GLRX5: variants seen among roughly 807,000 people sequenced by gnomAD.
The protein encoded by GLRX5 is glutaredoxin-related protein 5, mitochondrial.
A neutral mutation model predicts 13.8 loss-of-function variants in GLRX5; 10 were observed. That is an observed-to-expected ratio of 0.72 (90% CI 0.45 to 1.23). GLRX5 has a LOEUF of 1.23. Ranked by LOEUF, GLRX5 falls within the 50% of genes most tolerant of loss-of-function variation. The pLI, the probability that GLRX5 is intolerant of heterozygous loss-of-function variation, is 0.00. For missense variants in GLRX5, 233 were observed against 215.2 expected (o/e 1.08, Z -0.52); for synonymous variants, 98 against 101.1 (o/e 0.97, Z 0.18).
intron 1 of GLRX5, chr14:95,543,571 T>C (rs915584378): frequency 6.3e-6 from 2 of 317,308 alleles, no homozygotes; most frequent in Non-Finnish European, 1.2e-5. Context: ...ATGTATCTTA[T>C]GTGACTTGCA....
Position 95,535,063 on chromosome 14 carries a change from G to A in GLRX5, c.-27G>A, listed in dbSNP as rs1377658443. The A allele has an allele frequency of 2.3e-6, 3 of 1,332,978 alleles. No homozygotes were observed. Among genetic ancestry groups the A allele is most frequent in the South Asian group, 1.5e-5 (1 of 67,252 alleles). The allele number at this position is 1,332,978 out of a possible 1,614,324, so 82.6% of individuals were successfully genotyped here. ...GGGTGGCCAGCTGTGGGCCCGGGCC[G>A]TCGTGGGCTCCGGCTTGCGTGCGGA... is the stretch of plus-strand genomic sequence containing the variant. On this transcript the variant is annotated 5_prime_UTR_variant, in exon 1 of 2. Transcript: ENST00000331334.
Position 95,535,304 on chromosome 14 carries a change from C to A in GLRX5, c.215C>A (p.Ala72Asp). Reference protein sequence around the residue: ...PEQPQCGFSNAVVQILRLHGV... With the variant: ...PEQPQCGFSNDVVQILRLHGV... ...CAGCCCCAGTGCGGCTTCAGCAACGCCGTGGTGCAGATCCTGCGGCTGCAC... is the reference window on the plus strand; with the variant it reads ...CAGCCCCAGTGCGGCTTCAGCAACGACGTGGTGCAGATCCTGCGGCTGCAC... Residue 72 changes from alanine (A) to aspartate (D), a missense_variant, in exon 1 of 2, where the codon GCC becomes GAC. Coordinates refer to ENST00000331334, the MANE Select transcript of GLRX5 (RefSeq NM_016417.3). The A allele has an allele frequency of 6.4e-7, 1 of 1,561,100 alleles. No homozygotes were observed. The highest frequency in any genetic ancestry group is 1.9e-5 in the Admixed American group (1 of 51,438).
chr14:95,540,652 T>A (rs923367113), intron 1 of GLRX5, among the ~76,000 whole-genome samples: 1 of 152,210 alleles, frequency 6.6e-6, no homozygotes, highest in Admixed American at 6.5e-5. Flanking sequence ...GAAGAAATTG[T>A]GACTCTCAGA....
chr14:95,535,115 C>A lies in GLRX5; in HGVS notation c.26C>A (p.Ala9Glu). Residue 9 changes from alanine to glutamate, a missense_variant, in exon 1 of 2, where the codon GCG (alanine) becomes GAG (glutamate). Coordinates refer to ENST00000331334, the MANE Select transcript of GLRX5 (RefSeq NM_016417.3). MSGSLGRA[A>E]AALLRWGRGA... is the part of the protein sequence containing the mutation. ...ATGAGCGGGTCCCTCGGCCGAGCTG[C>A]GGCGGCTCTGCTCCGCTGGGGGCGC... is the stretch of plus-strand genomic sequence containing the variant. 1 of 1,306,236 alleles carries A rather than the reference C, an allele frequency of 7.7e-7. No homozygotes were observed. Among genetic ancestry groups the A allele is most frequent in the Non-Finnish European group, 9.9e-7 (1 of 1,014,518 alleles). The allele number at this position is 1,306,236 out of a possible 1,614,324, so 80.9% of individuals were successfully genotyped here.
chr14:95,535,680 CG>C (rs1273105766), intron 1 of GLRX5, among the ~76,000 whole-genome samples: 7 of 152,174 alleles, frequency 4.6e-5, no homozygotes, highest in African/African-American at 1.7e-4. Context: ...ATAGGCGTTT[CG>C]GGGCGATTTG....
At chr14:95,543,678 C>T in intron 1 of GLRX5, 1 of 366,754 alleles carries the variant, frequency 2.7e-6, no homozygotes, top group South Asian at 3.1e-5. Flanking sequence ...AAAAAAAAAA[C>T]CTTGGGAGAT....
At chr14:95,541,111 C>T (rs55699403) in intron 1 of GLRX5, among the ~76,000 whole-genome samples, 15,899 of 152,212 alleles carry the variant, frequency 0.1, 1,132 homozygotes, top group Non-Finnish European at 0.15. Context: ...TAATGATTAT[C>T]ATTAAAATTC....
chr14:95,538,313 T>G (rs1891415850), intron 1 of GLRX5, among the ~76,000 whole-genome samples: 1 of 152,254 alleles, frequency 6.6e-6, no homozygotes, highest in African/African-American at 2.4e-5. Context: ...TATAAACATT[T>G]GCTGCCGATT....
rs550221604 is a variant in GLRX5, at chr14:95,544,258, A to T, written c.*133A>T. On this transcript the variant is annotated 3_prime_UTR_variant, in exon 2 of 2. Transcript: ENST00000331334. ...GCACTGATCATTTTGGTTCGTGAGC[A>T]GTTGGTGATTTTAGTTGGTCTGGTG... 1.4e-6 allele frequency: 1 copy of T among 720,168 alleles called. No homozygotes were observed. The highest frequency in any genetic ancestry group is 2.7e-5 in the East Asian group (1 of 36,946). 44.6% of individuals were successfully genotyped at this position (720,168 alleles called of 1,614,324 possible). A position where few individuals can be genotyped will look rare whatever the true frequency, so the allele number is the denominator to read the frequency against.
At chr14:95,540,285 A>G (rs1437905290) in intron 1 of GLRX5, among the ~76,000 whole-genome samples, 1 of 152,178 alleles carries the variant, frequency 6.6e-6, no homozygotes, top group East Asian at 1.9e-4. Flanking sequence ...GAAAAGCATT[A>G]CTGTGAAGGG....
intron 1 of GLRX5, among the ~76,000 whole-genome samples, chr14:95,539,706 C>T (rs1056420684): frequency 2.8e-4 from 42 of 152,192 alleles, no homozygotes; most frequent in Middle Eastern, 3.4e-3. Context: ...GGTTTCACTG[C>T]GCTGTCACTG....
At chr14:95,538,438 C>A (rs568363819) in intron 1 of GLRX5, among the ~76,000 whole-genome samples, 2 of 152,174 alleles carry the variant, frequency 1.3e-5, no homozygotes, top group Non-Finnish European at 2.9e-5. Flanking sequence ...TTTGAAAATA[C>A]GCTCCACCTT....
Position 95,535,372 on chromosome 14 carries a change from G to A in GLRX5, c.283G>A (p.Glu95Lys). 1 of 1,550,608 alleles carries A rather than the reference G, an allele frequency of 6.4e-7. No homozygotes were observed. Among genetic ancestry groups the A allele is most frequent in the Non-Finnish European group, 8.7e-7 (1 of 1,147,444 alleles). The change falls in exon 1 of 2, where the codon GAG (glutamate) becomes AAG (lysine). Residue 95 changes from glutamate to lysine, a missense_variant. Physicochemically the swap from Glu to Lys is moderately conservative, Grantham distance 56. Transcript: ENST00000331334. ...YAAYNVLDDP[E>K]LRQGIKDYSN... ...GGCCTACAACGTGCTGGACGACCCG[G>A]AGCTCCGACAAGGTCAGGCCAGTGT...
At position 95,544,315 on chromosome 14, in the gene GLRX5, A is replaced by G; in HGVS notation, c.*190A>G. On this transcript the variant is annotated 3_prime_UTR_variant, in exon 2 of 2. Coordinates refer to ENST00000331334, the MANE Select transcript of GLRX5 (RefSeq NM_016417.3). Reference sequence around the variant, plus strand: ...CTAAGAATATTTTATTGTGGACTTAATTACAACCACTGCACTGTAATGATT... The same window carrying G: ...CTAAGAATATTTTATTGTGGACTTAGTTACAACCACTGCACTGTAATGATT... 1 of 629,004 alleles carries G rather than the reference A, an allele frequency of 1.6e-6. No homozygotes were observed. The highest frequency in any genetic ancestry group is 1.8e-5 in the African/African-American group (1 of 54,936). 39.0% of individuals were successfully genotyped at this position (629,004 alleles called of 1,614,324 possible). A position where few individuals can be genotyped will look rare whatever the true frequency, so the allele number is the denominator to read the frequency against.
chr14:95,535,152 C>T lies in GLRX5; in HGVS notation c.63C>T (p.Gly21=), dbSNP rs898452545. The T allele has an allele frequency of 2.3e-6, 3 of 1,293,938 alleles. No individual in the cohort carries two copies. Among genetic ancestry groups the T allele is most frequent in the Admixed American group, 3.7e-5 (1 of 26,688 alleles). The allele number at this position is 1,293,938 out of a possible 1,614,324, so 80.2% of individuals were successfully genotyped here. ...ALLRWGRGAG[G]GGLWGPGVRA... is the part of the protein sequence containing the mutation. ...TCCGCTGGGGGCGCGGCGCGGGCGG[C>T]GGTGGCCTTTGGGGTCCGGGCGTGC... The change falls in exon 1 of 2, where the codon GGC becomes GGT. Residue 21 remains glycine (G), a synonymous_variant. Coordinates refer to ENST00000331334, the MANE Select transcript of GLRX5 (RefSeq NM_016417.3).
At chr14:95,541,184 GA>G (rs1891467657) in intron 1 of GLRX5, among the ~76,000 whole-genome samples, 1 of 152,202 alleles carries the variant, frequency 6.6e-6, no homozygotes, top group Non-Finnish European at 1.5e-5. Flanking sequence ...AATTTCAAGT[GA>G]TATTTGTAAG....
chr14:95,536,195 G>C (rs552897592), intron 1 of GLRX5, among the ~76,000 whole-genome samples: 2 of 152,312 alleles, frequency 1.3e-5, no homozygotes, highest in African/African-American at 4.8e-5. Context: ...GGCCGGGAGA[G>C]GGAAGGCTGC....
At chr14:95,538,640 A>G (rs907852432) in intron 1 of GLRX5, among the ~76,000 whole-genome samples, 1 of 152,102 alleles carries the variant, frequency 6.6e-6, no homozygotes, top group African/African-American at 2.4e-5. Context: ...AGAGCCTAAG[A>G]CCCAGCTGCG....
At chr14:95,543,336 A>C in intron 1 of GLRX5, 1 of 230,824 alleles carries the variant, frequency 4.3e-6, no homozygotes. Context: ...GTAATTGTTA[A>C]AAATTAAAAA....
Sources: gnomAD v4.1 joint callset for allele counts (sites outside exome capture counted in the v4.1 genomes callset) on GRCh38, gnomAD v4.1.1 for gene constraint, MANE v1.5 for transcripts, NCBI Gene and HGNC (gene_info 2026-07-23, HGNC 2026-07-21) for gene names.